The following LPCAT3 variants were observed in gnomAD, a reference collection of about 807,000 sequenced individuals.
LPCAT3 encodes lysophospholipid acyltransferase 5.
Under a neutral mutation model 63.4 loss-of-function variants are expected in LPCAT3, and 21 were observed. The ratio of observed to expected loss-of-function variants is 0.33; its 90% CI spans 0.23 to 0.48. The LOEUF (loss-of-function observed/expected upper bound fraction) is 0.48. Ranked by LOEUF, LPCAT3 falls within the 20% of genes least tolerant of loss-of-function variation. LPCAT3 has a pLI of 0.99. For synonymous variants in LPCAT3, 242 were observed against 227.5 expected (o/e 1.06, Z -0.58); for missense variants, 451 against 590.6 (o/e 0.76, Z 2.45).
intron 1 of LPCAT3, among the ~76,000 whole-genome samples, chr12:7,006,839 G>A (rs1445626584): frequency 6.6e-6 from 1 of 152,198 alleles, no homozygotes; most frequent in Non-Finnish European, 1.5e-5. Flanking sequence ...ATCCAGAGTA[G>A]TGTCCAAGTC....
At chr12:7,015,772 C>T (rs9668071) in intron 1 of LPCAT3, among the ~76,000 whole-genome samples, 24,206 of 152,012 alleles carry the variant, frequency 0.16, 2,694 homozygotes, top group Admixed American at 0.33. Context: ...ATGCATTACA[C>T]CAAGTGTTTA....
At chr12:6,983,622 C>T (rs1333139569) in intron 1 of LPCAT3, 83 bp from the exon 2 acceptor site, 2 of 826,580 alleles carry the variant, frequency 2.4e-6, no homozygotes, top group Non-Finnish European at 4.1e-6. Context: ...TGGCATGAAA[C>T]GCAGCCCAGA....
At chr12:6,978,843 A>G (rs1946438552) in intron 7 of LPCAT3, 154 bp from the exon 8 acceptor site, 2 of 1,034,016 alleles carry the variant, frequency 1.9e-6, no homozygotes, top group Middle Eastern at 2.6e-4. Flanking sequence ...TGCCTTCACA[A>G]TAGGCAGAGA....
intron 1 of LPCAT3, among the ~76,000 whole-genome samples, chr12:7,011,957 A>G (rs1946766768): frequency 6.6e-6 from 1 of 152,208 alleles, no homozygotes; most frequent in South Asian, 2.1e-4. Context: ...ACCTGAAGAA[A>G]GCTTTCTGCA....
Position 7,004,042 on chromosome 12 carries a change from CA to C in LPCAT3, c.151+14231del, listed in dbSNP as rs782312264. 2.8e-3 allele frequency among the ~76,000 whole-genome samples: 417 copies of C among 151,516 alleles called. 3 individuals carry two copies. Among genetic ancestry groups the C allele is most frequent in the African/African-American group, 9.1e-3 (377 of 41,300 alleles). On this transcript the variant is annotated intron_variant, in intron 1 of 12. Coordinates refer to ENST00000261407, the MANE Select transcript of LPCAT3 (RefSeq NM_005768.6). ...TCTTACTTAGCGAATCAGTGCTATA[CA>C]GAAAGTATGAGAGACTGGTTCATAT...
At position 6,977,145 on chromosome 12, in the gene LPCAT3, A is replaced by G. The variant is rs782363527; in HGVS notation, c.*1T>C. ...CTGTATTAACTTACCAGGGAAATGG[A>G]TTATTCCATCTTCTTTAACTTCTCT... On this transcript the variant is annotated 3_prime_UTR_variant, in exon 12 of 13. Transcript: ENST00000261407. The surrounding 1 kb of genome is among the most constrained non-coding windows in gnomAD (Gnocchi z 4.5). 1 of 1,586,668 alleles carries G rather than the reference A, an allele frequency of 6.3e-7. No homozygotes were observed. The highest frequency in any genetic ancestry group is 1.7e-5 in the Admixed American group (1 of 59,952).
chr12:6,978,472 A>G lies in LPCAT3; in HGVS notation c.909T>C (p.Asn303=), dbSNP rs1289150670. 6 of 1,613,946 alleles carry G rather than the reference A, an allele frequency of 3.7e-6. No individual in the cohort carries two copies. Among genetic ancestry groups the G allele is most frequent in the Non-Finnish European group, 5.1e-6 (6 of 1,179,948 alleles). The change falls in exon 9 of 13, where the codon AAT becomes AAC. Residue 303 remains asparagine, a synonymous_variant. Coordinates refer to ENST00000261407, the MANE Select transcript of LPCAT3 (RefSeq NM_005768.6). ...GVCILTGLGF[N]GFEEKGKAKW... is the part of the protein sequence containing the mutation. ...TTGCCTTGCCCTTTTCTTCAAAGCC[A>G]TTGAAGCCCAGGCCCGTCAAAATGC...
intron 1 of LPCAT3, among the ~76,000 whole-genome samples, chr12:6,993,168 G>A (rs1946604970): frequency 6.6e-6 from 1 of 152,056 alleles, no homozygotes; most frequent in Admixed American, 6.6e-5. Context: ...CGCCGGGCAT[G>A]GTGGCTTATG....
chr12:6,989,781 G>A (rs973476386), intron 1 of LPCAT3, among the ~76,000 whole-genome samples: 8 of 152,180 alleles, frequency 5.3e-5, no homozygotes, highest in African/African-American at 9.7e-5. Flanking sequence ...TAGCGGGAAC[G>A]TTTTCTTATT....
intron 7 of LPCAT3, 22 bp from the exon 8 acceptor site, chr12:6,978,711 G>A (rs1555153658): frequency 1.2e-6 from 2 of 1,612,750 alleles, no homozygotes; most frequent in South Asian, 1.1e-5. Flanking sequence ...AAAGCACAGT[G>A]CATTAGGGAT....
In LPCAT3 at chr12:6,979,595, T is replaced by A; in HGVS notation, c.678-16A>T. The stretch of plus-strand genomic sequence containing the variant: ...AGGAATGATGCTGGAAAGGAACGAG[T>A]GAAGTTCCTGGTCACAGAGAGCAGA... On this transcript the variant is annotated splice_polypyrimidine_tract_variant and intron_variant, in intron 6 of 12. Coordinates refer to ENST00000261407, the MANE Select transcript of LPCAT3 (RefSeq NM_005768.6). 6.5e-7 allele frequency: 1 copy of A among 1,543,370 alleles called. No homozygotes were observed. The highest frequency in any genetic ancestry group is 9.0e-7 in the Non-Finnish European group (1 of 1,115,768).
At chr12:6,998,215 T>C (rs1372460618) in intron 1 of LPCAT3, among the ~76,000 whole-genome samples, 2 of 151,382 alleles carry the variant, frequency 1.3e-5, no homozygotes, top group Non-Finnish European at 2.9e-5. Flanking sequence ...GGCATCTTGC[T>C]ATATTGCCCA....
At chr12:7,005,028 A>G (rs1179730747) in intron 1 of LPCAT3, among the ~76,000 whole-genome samples, 3 of 152,210 alleles carry the variant, frequency 2.0e-5, no homozygotes, top group African/African-American at 7.2e-5. Flanking sequence ...TAATGCCAGA[A>G]CATTTTCATC....
intron 1 of LPCAT3, among the ~76,000 whole-genome samples, chr12:7,003,201 C>G (rs1280402287): frequency 6.6e-6 from 1 of 151,838 alleles, no homozygotes; most frequent in Non-Finnish European, 1.5e-5. Flanking sequence ...AAATAAAAAC[C>G]ATTTTATTTG....
At chr12:6,982,980 CTTTTT>C (rs782602160) in intron 2 of LPCAT3, 198 bp from the exon 3 acceptor site, 1 of 655,128 alleles carries the variant, frequency 1.5e-6, no homozygotes. Flanking sequence ...TATTTCTTTT[CTTTTT>C]TTGTTTGTTT....
Position 7,018,306 on chromosome 12 carries a change from T to G in LPCAT3, c.119A>C (p.Gln40Pro), listed in dbSNP as rs1212119873. 1 of 1,608,104 alleles carries G rather than the reference T, an allele frequency of 6.2e-7. No individual in the cohort carries two copies. The highest frequency in any genetic ancestry group is 1.1e-5 in the South Asian group (1 of 89,800). Residue 40 changes from glutamine (Q) to proline (P), a missense_variant, in exon 1 of 13, where the codon CAG becomes CCG. Physicochemically the swap from Gln to Pro is moderately conservative, Grantham distance 76. Coordinates refer to ENST00000261407, the MANE Select transcript of LPCAT3 (RefSeq NM_005768.6). This position sits in a 1 kb window ranked among gnomAD's most constrained non-coding sequence, Gnocchi z 4.9. ...GATGGAGATGATCAGCCGCAGCGCC[T>G]GTTCTGACGCGCCCAGGGACGTCGC... The part of the protein sequence containing the change: ...KLATSLGASE[Q>P]ALRLIISIFL...
chr12:6,988,464 C>T (rs1402214986), intron 1 of LPCAT3: 2 of 152,198 alleles, frequency 1.3e-5, no homozygotes, highest in African/African-American at 2.4e-5. Context: ...TGGAGCCTGG[C>T]TGCCCAGCCA....
chr12:6,999,134 G>C (rs1159775039), intron 1 of LPCAT3, among the ~76,000 whole-genome samples: 1 of 152,158 alleles, frequency 6.6e-6, no homozygotes, highest in Non-Finnish European at 1.5e-5. Flanking sequence ...TTTTATGTTT[G>C]CTTATCCTCC....
At chr12:6,988,511 AC>A (rs1480835591) in intron 1 of LPCAT3, 1 of 152,070 alleles carries the variant, frequency 6.6e-6, no homozygotes, top group African/African-American at 2.4e-5. Flanking sequence ...GGAGGGTGTG[AC>A]CCTACAAGAT....
Sources: gnomAD v4.1 joint callset for allele counts (sites outside exome capture counted in the v4.1 genomes callset) on GRCh38, gnomAD v4.1.1 for gene constraint, Gnocchi (gnomAD v3.1) non-coding constraint, MANE v1.5 for transcripts, NCBI Gene and HGNC (gene_info 2026-07-23, HGNC 2026-07-21) for gene names.